The following FER1L6 variants were observed in gnomAD, a reference collection of about 807,000 sequenced individuals.
FER1L6 encodes the protein fer-1 like family member 6.
In FER1L6, 177 loss-of-function variants were observed where a neutral mutation model predicts 219.2. The observed-to-expected ratio is 0.81, with a 90% confidence interval of 0.71 to 0.91. The LOEUF (loss-of-function observed/expected upper bound fraction) is 0.91, where lower values mean the gene tolerates loss of function less well. FER1L6 is among the 40% of genes least tolerant of loss of function. FER1L6 has a pLI of 0.00. For missense variants in FER1L6, 2,153 were observed against 2,259.9 expected, an observed-to-expected ratio of 0.95 and a Z score of 0.96; for synonymous variants, 768 against 824.3, an observed-to-expected ratio of 0.93 and a Z score of 1.17.
chr8:123,858,911 GTGC>G (rs1186998946), intron 1 of FER1L6, among the ~76,000 whole-genome samples: 6 of 152,210 alleles, frequency 3.9e-5, no homozygotes, highest in Non-Finnish European at 5.9e-5. Flanking sequence ...GAAGTAGGTG[GTGC>G]TGTTTTAAAA....
At chr8:124,104,905 A>C (rs1243830266) in intron 39 of FER1L6, among the ~76,000 whole-genome samples, 1 of 152,216 alleles carries the variant, frequency 6.6e-6, no homozygotes, top group Non-Finnish European at 1.5e-5. Flanking sequence ...CCCTGGGAAT[A>C]AGACATGAGT....
intron 1 of FER1L6, 81 bp from the exon 2 acceptor site, chr8:123,955,911 G>GT: frequency 7.7e-7 from 1 of 1,306,566 alleles, no homozygotes; most frequent in Non-Finnish European, 1.1e-6. Flanking sequence ...ATGAAGCTCG[G>GT]TGTGTTTTTG....
chr8:123,952,773 A>G (rs1004588113), intron 1 of FER1L6, among the ~76,000 whole-genome samples: 2 of 152,178 alleles, frequency 1.3e-5, no homozygotes, highest in African/African-American at 4.8e-5. Flanking sequence ...CCTAGGAGAT[A>G]ATGTGTATAA....
intron 10 of FER1L6, among the ~76,000 whole-genome samples, chr8:123,978,798 A>G (rs967851612): frequency 1.3e-5 from 2 of 152,338 alleles, no homozygotes; most frequent in Admixed American, 1.3e-4. Context: ...TGTCCCTAAC[A>G]GATACCATAG....
intron 5 of FER1L6, among the ~76,000 whole-genome samples, chr8:123,968,876 C>T (rs1815673679): frequency 6.6e-6 from 1 of 152,140 alleles, no homozygotes; most frequent in Non-Finnish European, 1.5e-5. Context: ...CTTACTGTGG[C>T]TGTGTCCATC....
intron 33 of FER1L6, among the ~76,000 whole-genome samples, chr8:124,089,430 T>TC (rs796663724): frequency 6.6e-5 from 10 of 152,362 alleles, no homozygotes; most frequent in Admixed American, 5.2e-4. Context: ...TTTCTTACCC[T>TC]CTTTAGTGCC....
intron 26 of FER1L6, among the ~76,000 whole-genome samples, chr8:124,066,036 T>G (rs1034988686): frequency 6.6e-6 from 1 of 152,246 alleles, no homozygotes; most frequent in Non-Finnish European, 1.5e-5. Context: ...TTATATTAAT[T>G]GCTTAATGAT....
chr8:124,090,224 T>G (rs1821970659), intron 33 of FER1L6, among the ~76,000 whole-genome samples: 1 of 152,220 alleles, frequency 6.6e-6, no homozygotes, highest in Admixed American at 6.5e-5. Flanking sequence ...CTCTTTCTGG[T>G]CTATTCTTCC....
intron 13 of FER1L6, among the ~76,000 whole-genome samples, chr8:124,008,527 A>C (rs150968738): frequency 6.6e-6 from 1 of 152,224 alleles, no homozygotes; most frequent in Admixed American, 6.5e-5. Flanking sequence ...GAAACTATAA[A>C]AATTCTAGAA....
chr8:123,953,960 G>A (rs1814899379), intron 1 of FER1L6, among the ~76,000 whole-genome samples: 1 of 152,166 alleles, frequency 6.6e-6, no homozygotes. Context: ...GGGAGATTTA[G>A]GATGATGTTC....
At position 123,915,294 on chromosome 8, in the gene FER1L6, T is replaced by C. The variant is rs116293083; in HGVS notation, c.-7-40698T>C. Among the ~76,000 whole-genome samples the C allele has an allele frequency of 2.5e-3, 379 of 152,272 alleles. 2 individuals are homozygous for C. The highest frequency in any genetic ancestry group is 8.7e-3 in the African/African-American group (362 of 41,552). On this transcript the variant is annotated intron_variant, in intron 1 of 40. Transcript: ENST00000522917. ...TAAAACTTTGCCTTCATGGCCATGATAGCCAGGGGGGTGAGGGGCAGTTTG... is the reference window on the plus strand; with the variant it reads ...TAAAACTTTGCCTTCATGGCCATGACAGCCAGGGGGGTGAGGGGCAGTTTG...
intron 1 of FER1L6, among the ~76,000 whole-genome samples, chr8:123,938,686 A>G (rs1814104103): frequency 6.6e-6 from 1 of 151,728 alleles, no homozygotes; most frequent in African/African-American, 2.4e-5. Flanking sequence ...AGCTGGGACT[A>G]CAGGTGCCTA....
In FER1L6 at chr8:124,009,867, ATGT is replaced by A. The variant is rs143182364; in HGVS notation, c.1701-720_1701-718del. Among the ~76,000 whole-genome samples, 1,342 of 151,316 alleles carry A rather than the reference ATGT, an allele frequency of 8.9e-3. 9 individuals are homozygous for A. Among genetic ancestry groups the A allele is most frequent in the Admixed American group, 0.01 (153 of 15,194 alleles). ...GGAGCTGCAGACCCAAGGAGGAGCA[ATGT>A]TGTTGTAGTTCGAAGGTCAGGTAGC... On this transcript the variant is annotated intron_variant, in intron 13 of 40. Transcript: ENST00000522917.
At chr8:123,891,736 A>C (rs1219112804) in intron 1 of FER1L6, among the ~76,000 whole-genome samples, 2 of 152,178 alleles carry the variant, frequency 1.3e-5, no homozygotes, top group East Asian at 3.8e-4. Flanking sequence ...ACTCACTTCT[A>C]GATCTTGAGC....
intron 1 of FER1L6, among the ~76,000 whole-genome samples, chr8:123,884,050 G>A (rs1205627084): frequency 6.6e-6 from 1 of 152,204 alleles, no homozygotes; most frequent in Non-Finnish European, 1.5e-5. Context: ...GGAAAGACCA[G>A]TGCATGCCCT....
chr8:123,999,271 C>T (rs1817293595), intron 12 of FER1L6, among the ~76,000 whole-genome samples: 1 of 152,248 alleles, frequency 6.6e-6, no homozygotes, highest in African/African-American at 2.4e-5. Flanking sequence ...GCTCTTTAGT[C>T]TGCAGATGAT....
At chr8:124,096,703 T>G (rs1822309706) in intron 35 of FER1L6, among the ~76,000 whole-genome samples, 1 of 152,194 alleles carries the variant, frequency 6.6e-6, no homozygotes, top group Non-Finnish European at 1.5e-5. Flanking sequence ...AGTTTCTTTA[T>G]GTATAGAACA....
At chr8:124,113,733 CTCA>C (rs1423674599) in intron 39 of FER1L6, among the ~76,000 whole-genome samples, 1 of 152,164 alleles carries the variant, frequency 6.6e-6, no homozygotes, top group Non-Finnish European at 1.5e-5. Context: ...TGGTTGTTTT[CTCA>C]TCATATTGCT....
At chr8:124,037,676 C>T (rs1271042951) in intron 19 of FER1L6, among the ~76,000 whole-genome samples, 1 of 152,134 alleles carries the variant, frequency 6.6e-6, no homozygotes, top group East Asian at 1.9e-4. Flanking sequence ...TCTCAGGCTC[C>T]ATATTGGTCC....
Sources: gnomAD v4.1 joint callset for allele counts (sites outside exome capture counted in the v4.1 genomes callset) on GRCh38, gnomAD v4.1.1 for gene constraint, MANE v1.5 for transcripts, NCBI Gene and HGNC (gene_info 2026-07-23, HGNC 2026-07-21) for gene names.